CSMD1: variants seen among roughly 807,000 people sequenced by gnomAD.
The protein encoded by CSMD1 is CUB and Sushi multiple domains 1.
In CSMD1, 213 loss-of-function variants were observed where a neutral mutation model predicts 417.5. The observed-to-expected ratio is 0.51, with a 90% CI of 0.46 to 0.57. The LOEUF (loss-of-function observed/expected upper bound fraction) is 0.57. Ranked by LOEUF, CSMD1 falls within the 20% of genes least tolerant of loss-of-function variation. The pLI, the probability that CSMD1 is intolerant of heterozygous loss-of-function variation, is 0.00. For missense variants in CSMD1, 6,923 were observed against 4,529.7 expected (o/e 1.53, Z -15.17); for synonymous variants, 2,862 against 1,736.8 (o/e 1.65, Z -16.11).
intron 1 of CSMD1, among the ~76,000 whole-genome samples, chr8:4,835,762 A>T (rs1800440649): frequency 6.6e-6 from 1 of 151,544 alleles, no homozygotes; most frequent in Admixed American, 6.6e-5. Context: ...CATGCTAGGT[A>T]CTGCAGCTGC....
intron 3 of CSMD1, among the ~76,000 whole-genome samples, chr8:4,416,883 G>C (rs1796971939): frequency 6.6e-6 from 1 of 151,964 alleles, no homozygotes; most frequent in South Asian, 2.1e-4. Flanking sequence ...TATAGACATA[G>C]TACTTCAAAA....
intron 25 of CSMD1, among the ~76,000 whole-genome samples, chr8:3,298,597 G>C (rs1804146347): frequency 6.6e-6 from 1 of 152,118 alleles, no homozygotes; most frequent in African/African-American, 2.4e-5. Flanking sequence ...GGGATTATAG[G>C]CGTGTGCCAA....
At chr8:4,668,837 CCT>C (rs1244732594) in intron 1 of CSMD1, among the ~76,000 whole-genome samples, 3 of 152,030 alleles carry the variant, frequency 2.0e-5, no homozygotes, top group Non-Finnish European at 4.4e-5. Context: ...TATCTGTTAT[CCT>C]CTCTCTACCA....
chr8:3,380,452 C>T (rs375366693), intron 18 of CSMD1, among the ~76,000 whole-genome samples: 2 of 152,128 alleles, frequency 1.3e-5, no homozygotes, highest in East Asian at 3.9e-4. Context: ...ATGTTTATTG[C>T]AGCCCTGTTC....
chr8:4,902,051 TG>T (rs1804907187), intron 1 of CSMD1, among the ~76,000 whole-genome samples: 1 of 152,214 alleles, frequency 6.6e-6, no homozygotes, highest in Non-Finnish European at 1.5e-5. Flanking sequence ...TTTGGCTATA[TG>T]GACTTACATT....
chr8:3,933,710 C>A (rs530539742), intron 5 of CSMD1, among the ~76,000 whole-genome samples: 1 of 152,162 alleles, frequency 6.6e-6, no homozygotes, highest in East Asian at 1.9e-4. Flanking sequence ...CTTTTGTATG[C>A]AAAATTACGT....
At chr8:4,807,936 C>T (rs1056241649) in intron 1 of CSMD1, among the ~76,000 whole-genome samples, 1 of 152,150 alleles carries the variant, frequency 6.6e-6, no homozygotes, top group Non-Finnish European at 1.5e-5. Context: ...TTTCTAAATT[C>T]AATAAAGCCC....
intron 5 of CSMD1, among the ~76,000 whole-genome samples, chr8:3,915,301 G>C (rs187959753): frequency 9.8e-4 from 147 of 150,072 alleles, no homozygotes; most frequent in African/African-American, 3.3e-3. Context: ...AGCTATTCAG[G>C]AGTCTAAGGC....
rs192734272 is a variant in CSMD1, at chr8:4,300,760, T to C, written c.415+119193A>G. Among the ~76,000 whole-genome samples, 6 of 152,284 alleles carry C rather than the reference T, an allele frequency of 3.9e-5. No individual in the cohort carries two copies. In the East Asian group the frequency reaches 5.8e-4, roughly 15 times the overall value. ...CCACGTGTTCTGGTTGTTCAATTCC[T>C]CCCTATGGGTGAGAACATGCAGTGT... On this transcript the variant is annotated intron_variant, in intron 3 of 69. Coordinates refer to ENST00000635120, the MANE Select transcript of CSMD1 (RefSeq NM_033225.6).
At chr8:4,784,643 C>G (rs958073910) in intron 1 of CSMD1, among the ~76,000 whole-genome samples, 2 of 151,992 alleles carry the variant, frequency 1.3e-5, no homozygotes. Flanking sequence ...TCCATTATGC[C>G]TCCATTAAAA....
chr8:4,033,233 G>A lies in CSMD1; in HGVS notation c.416-1134C>T, dbSNP rs375891506. ...AGGCAGGAGGATCGTGAGGTCAAGAGATCGAGACCATCCTGGCTAACACGG... is the reference window on the plus strand; with the variant it reads ...AGGCAGGAGGATCGTGAGGTCAAGAAATCGAGACCATCCTGGCTAACACGG... On this transcript the variant is annotated intron_variant, in intron 3 of 69. Transcript: ENST00000635120. Among the ~76,000 whole-genome samples, 410 of 150,354 alleles carry A rather than the reference G, an allele frequency of 2.7e-3. 2 individuals carry two copies. Among genetic ancestry groups the A allele is most frequent in the African/African-American group, 9.6e-3 (391 of 40,896 alleles).
intron 7 of CSMD1, among the ~76,000 whole-genome samples, chr8:3,669,251 G>A (rs1240751952): frequency 6.6e-6 from 1 of 152,216 alleles, no homozygotes; most frequent in Admixed American, 6.5e-5. Context: ...GCATCAATCT[G>A]AGTGAAAATG....
intron 3 of CSMD1, among the ~76,000 whole-genome samples, chr8:4,379,813 AG>A (rs1802987999): frequency 6.6e-6 from 1 of 152,294 alleles, no homozygotes; most frequent in Admixed American, 6.5e-5. Flanking sequence ...CAATTCTATG[AG>A]GTAAGTACTG....
intron 5 of CSMD1, among the ~76,000 whole-genome samples, chr8:3,909,990 G>A (rs758483033): frequency 4.0e-5 from 6 of 151,730 alleles, no homozygotes; most frequent in African/African-American, 1.2e-4. Flanking sequence ...TAACTAGAAT[G>A]TTCCTCCATT....
intron 2 of CSMD1, among the ~76,000 whole-genome samples, chr8:4,462,077 G>A (rs766935605): frequency 6.6e-6 from 1 of 151,472 alleles, no homozygotes. Context: ...GTCTCACTGT[G>A]TTGCACAGGC....
intron 1 of CSMD1, among the ~76,000 whole-genome samples, chr8:4,891,133 C>G (rs574411174): frequency 2.0e-5 from 3 of 152,100 alleles, no homozygotes; most frequent in Non-Finnish European, 2.9e-5. Flanking sequence ...AGGCTGATGC[C>G]ACGGTATGAA....
chr8:3,996,904 T>C (rs189072705), intron 5 of CSMD1, among the ~76,000 whole-genome samples: 2 of 152,332 alleles, frequency 1.3e-5, no homozygotes, highest in Non-Finnish European at 1.5e-5. Flanking sequence ...CAGGTGCTCA[T>C]ATTTACAATA....
chr8:3,082,028 T>C (rs1434785947), intron 49 of CSMD1, among the ~76,000 whole-genome samples: 1 of 152,166 alleles, frequency 6.6e-6, no homozygotes, highest in Non-Finnish European at 1.5e-5. Context: ...CCCACCAACA[T>C]ATGTCATCCC....
intron 1 of CSMD1, among the ~76,000 whole-genome samples, chr8:4,813,853 T>A (rs565529155): frequency 1.1e-4 from 16 of 152,338 alleles, no homozygotes; most frequent in African/African-American, 3.8e-4. Context: ...CATAGTAGCA[T>A]TCTCAGGTTT....
Sources: allele counts gnomAD v4.1 joint callset (sites outside exome capture counted in the v4.1 genomes callset), GRCh38; gene constraint gnomAD v4.1.1; transcripts MANE v1.5; gene names NCBI Gene and HGNC (gene_info 2026-07-23, HGNC 2026-07-21).